The following LDLRAP1 variants were observed in gnomAD, a reference collection of about 807,000 sequenced individuals.
LDLRAP1 encodes low density lipoprotein receptor adapter protein 1.
In LDLRAP1, 30 loss-of-function variants were observed where a neutral mutation model predicts 37.8. The observed-to-expected ratio is 0.79, with a 90% CI of 0.59 to 1.08. The LOEUF is 1.08. LDLRAP1 is among the 50% of genes least tolerant of loss of function. LDLRAP1 has a pLI of 0.00. For synonymous variants in LDLRAP1, 156 were observed against 169.8 expected (o/e 0.92, Z 0.63); for missense variants, 375 against 401.6 (o/e 0.93, Z 0.57).
At chr1:25,563,276 A>AAATAATACAC in intron 6 of LDLRAP1, 123 bp downstream of exon 6, 1 of 705,180 alleles carries the variant, frequency 1.4e-6, no homozygotes, top group Non-Finnish European at 2.4e-6. Flanking sequence ...TTTGTTAAAT[A>AAATAATACAC]AATAATACAC....
In LDLRAP1 at chr1:25,566,936, G is replaced by A. The variant is rs753968574; in HGVS notation, c.871G>A (p.Asp291Asn). 1.1e-5 allele frequency: 18 copies of A among 1,613,454 alleles called. No individual in the cohort carries two copies. Among genetic ancestry groups the A allele is most frequent in the Admixed American group, 1.7e-5 (1 of 60,008 alleles). Residue 291 changes from aspartate to asparagine, a missense_variant, in exon 9 of 9, where the codon GAC becomes AAC. Physicochemically the swap from Asp to Asn is conservative, Grantham distance 23. Coordinates refer to ENST00000374338, the MANE Select transcript of LDLRAP1 (RefSeq NM_015627.3). ...MHYAQCLSPV[D>N]WDKPDSSGTE... ...TTACGCCCAGTGCCTCTCGCCTGTC[G>A]ACTGGGACAAGCCTGACAGCAGCGG...
At position 25,543,796 on chromosome 1, in the gene LDLRAP1, C is replaced by A. The variant is rs1285458254; in HGVS notation, c.88+10C>A. 4 of 1,203,090 alleles carry A rather than the reference C, an allele frequency of 3.3e-6. No homozygotes were observed. The East Asian group carries it at 1.4e-4, about 41-fold the overall frequency. The allele number at this position is 1,203,090 out of a possible 1,614,324, so 74.5% of individuals were successfully genotyped here. On this transcript the variant is annotated intron_variant, in intron 1 of 8. Coordinates refer to ENST00000374338, the MANE Select transcript of LDLRAP1 (RefSeq NM_015627.3). Reference sequence around the variant, plus strand: ...GGTGGCCGGCACCGCAGTGAGTGTGCGCGCGTCAGCCGGGCCGGGCCGGGA... The same window carrying A: ...GGTGGCCGGCACCGCAGTGAGTGTGAGCGCGTCAGCCGGGCCGGGCCGGGA...
the LDLRAP1 span, among the ~76,000 whole-genome samples, chr1:25,575,598 A>AAAAC: frequency 4.9e-4 from 75 of 152,174 alleles, 2 homozygotes; most frequent in Admixed American, 2.7e-3. Flanking sequence ...CTGTCTTACA[A>AAAAC]AAACAAACAA....
At chr1:25,573,256 G>A (rs904787727), downstream of LDLRAP1, among the ~76,000 whole-genome samples, 2 of 152,336 alleles carry the variant, frequency 1.3e-5, no homozygotes, top group East Asian at 3.9e-4. Context: ...ACCACATTAT[G>A]CCCTCAGGAA....
the LDLRAP1 span, among the ~76,000 whole-genome samples, chr1:25,579,840 C>T: frequency 6.6e-6 from 1 of 152,154 alleles, no homozygotes; most frequent in Non-Finnish European, 1.5e-5. Flanking sequence ...GATTCTCATC[C>T]CTGAACGCTA....
At chr1:25,550,562 G>A (rs2044048770) in intron 1 of LDLRAP1, among the ~76,000 whole-genome samples, 1 of 152,208 alleles carries the variant, frequency 6.6e-6, no homozygotes, top group Admixed American at 6.5e-5. Context: ...TAGGGGGTAT[G>A]TAGGGATATT....
chr1:25,543,934 G>A (rs1022516983), intron 1 of LDLRAP1, 148 bp downstream of exon 1: 6 of 417,456 alleles, frequency 1.4e-5, no homozygotes, highest in Non-Finnish European at 2.3e-5. Flanking sequence ...GGCCCTGCGG[G>A]GCAGGGGGTC....
chr1:25,555,012 T>A lies in LDLRAP1; in HGVS notation c.344+40T>A. On this transcript the variant is annotated intron_variant, in intron 3 of 8. Coordinates refer to ENST00000374338, the MANE Select transcript of LDLRAP1 (RefSeq NM_015627.3). This position sits in a 1 kb window ranked among gnomAD's most constrained non-coding sequence, Gnocchi z 4.7. ...GGGTTGGCCCATCCACTCTGCCACT[T>A]GGGGCAGTGGGTGGAGTATCCCATC... 6 of 1,401,798 alleles carry A rather than the reference T, an allele frequency of 4.3e-6. No individual in the cohort carries two copies. The highest frequency in any genetic ancestry group is 6.1e-6 in the Non-Finnish European group (6 of 988,164). The allele number at this position is 1,401,798 out of a possible 1,614,324, so 86.8% of individuals were successfully genotyped here.
At position 25,551,172 on chromosome 1, in the gene LDLRAP1, G is replaced by A. The variant is rs550266026; in HGVS notation, c.89-2750G>A. ...GATTATCAATGTCTGCCAAGGGTGC[G>A]GGTCATAGGCACAGTAGCACTTCTT... On this transcript the variant is annotated intron_variant, in intron 1 of 8. Transcript: ENST00000374338. 3.3e-5 allele frequency among the ~76,000 whole-genome samples: 5 copies of A among 152,268 alleles called. No individual in the cohort carries two copies. In the South Asian group the frequency reaches 1.0e-3, roughly 32 times the overall value.
At chr1:25,550,235 A>G (rs1423264841) in intron 1 of LDLRAP1, among the ~76,000 whole-genome samples, 2 of 152,198 alleles carry the variant, frequency 1.3e-5, no homozygotes, top group Non-Finnish European at 2.9e-5. Flanking sequence ...GGGTCACAAC[A>G]GCCCCCAGGA....
chr1:25,566,016 C>G lies in LDLRAP1; in HGVS notation c.782+809C>G, dbSNP rs577902428. On this transcript the variant is annotated intron_variant, in intron 8 of 8. Coordinates refer to ENST00000374338, the MANE Select transcript of LDLRAP1 (RefSeq NM_015627.3). ...ACTAGTGGAAACCCCTTGGTCCAGC[C>G]TGGGGCGAGGGCGACAGTGACACCT... Among the ~76,000 whole-genome samples, 10 of 152,308 alleles carry G rather than the reference C, an allele frequency of 6.6e-5. No individual in the cohort carries two copies. The South Asian group carries it at 1.9e-3, about 28-fold the overall frequency.
In LDLRAP1 at chr1:25,563,709, C is replaced by T. The variant is rs542234892; in HGVS notation, c.665C>T (p.Pro222Leu). Reference protein sequence around the residue: ...LLDLEETAKAPLSTVSANTTN... With the variant: ...LLDLEETAKALLSTVSANTTN... ...GACTTAGAGGAGACAGCTAAGGCCC[C>T]GCTGTCCACGGTCAGCGCCAACACC... Residue 222 changes from proline to leucine, a missense_variant, in exon 7 of 9, where the codon CCG becomes CTG. Coordinates refer to ENST00000374338, the MANE Select transcript of LDLRAP1 (RefSeq NM_015627.3). The T allele has an allele frequency of 3.5e-5, 57 of 1,613,920 alleles. 1 individual carries two copies. The South Asian group carries it at 4.6e-4, about 13-fold the overall frequency.
the LDLRAP1 span, among the ~76,000 whole-genome samples, chr1:25,587,486 C>T: frequency 6.6e-6 from 1 of 152,092 alleles, no homozygotes; most frequent in Non-Finnish European, 1.5e-5. Context: ...TCCTGACCTC[C>T]GTCCTTAGCT....
chr1:25,551,880 G>A (rs2044079189), intron 1 of LDLRAP1, among the ~76,000 whole-genome samples: 2 of 152,060 alleles, frequency 1.3e-5, no homozygotes, highest in African/African-American at 4.8e-5. Flanking sequence ...AGTATTGAGC[G>A]CTACCTGCAT....
intron 5 of LDLRAP1, 23 bp downstream of exon 5, chr1:25,562,739 T>C (rs771670510): frequency 6.2e-7 from 1 of 1,605,848 alleles, no homozygotes; most frequent in East Asian, 2.2e-5. Context: ...ATCTACATTG[T>C]GGGTGTGGTG....
Position 25,562,721 on chromosome 1 carries a change from G to A in LDLRAP1, c.532+5G>A, listed in dbSNP as rs2124688914. ...TTTGGCAGGTGTCCAAGGAAGGTGA[G>A]ACTTTGCATCTACATTGTGGGTGTG... is the stretch of plus-strand genomic sequence containing the variant. On this transcript the variant is annotated splice_donor_5th_base_variant and intron_variant, in intron 5 of 8. Coordinates refer to ENST00000374338, the MANE Select transcript of LDLRAP1 (RefSeq NM_015627.3). 2 of 1,613,666 alleles carry A rather than the reference G, an allele frequency of 1.2e-6. No homozygotes were observed. Among genetic ancestry groups the A allele is most frequent in the Non-Finnish European group, 1.7e-6 (2 of 1,179,532 alleles).
rs1447674787 is a variant in LDLRAP1, at chr1:25,550,510, C to T, written c.89-3412C>T. 2.0e-5 allele frequency among the ~76,000 whole-genome samples: 3 copies of T among 152,292 alleles called. No individual in the cohort carries two copies. In the East Asian group the frequency reaches 5.8e-4, roughly 29 times the overall value. On this transcript the variant is annotated intron_variant, in intron 1 of 8. Transcript: ENST00000374338. ...CAAAGAAGTTAGACAGTAAATATTA[C>T]ATTATTAGGAAGAAGCTCTGCATGG...
At chr1:25,571,514 C>T (rs2044604507), downstream of LDLRAP1, among the ~76,000 whole-genome samples, 1 of 152,238 alleles carries the variant, frequency 6.6e-6, no homozygotes, top group African/African-American at 2.4e-5. Context: ...CACGTACCAG[C>T]TAGTTTAAGC....
chr1:25,585,391 C>A, the LDLRAP1 span, among the ~76,000 whole-genome samples: 3 of 151,270 alleles, frequency 2.0e-5, no homozygotes, highest in Non-Finnish European at 4.4e-5. Flanking sequence ...AGTGGCACGA[C>A]CTCGGCTCAC....
Sources: allele counts gnomAD v4.1 joint callset (sites outside exome capture counted in the v4.1 genomes callset), GRCh38; gene constraint gnomAD v4.1.1; non-coding constraint Gnocchi (gnomAD v3.1); transcripts MANE v1.5; gene names NCBI Gene and HGNC (gene_info 2026-07-23, HGNC 2026-07-21).